Variants in XRCC4 observed in about 807,000 individuals in gnomAD.
XRCC4 encodes the protein X-ray repair cross complementing 4.
Under a neutral mutation model 39.1 loss-of-function variants are expected in XRCC4, and 28 were observed. That is an observed-to-expected ratio of 0.72 (90% confidence interval 0.53 to 0.98). XRCC4 has a LOEUF of 0.98. XRCC4 is among the 50% of genes least tolerant of loss of function. The probability of loss-of-function intolerance (pLI) is 0.00; values close to 1 mark genes in which losing one functional copy is unlikely to be tolerated. For missense variants in XRCC4, 350 were observed against 376.4 expected, an observed-to-expected ratio of 0.93 and a Z score of 0.58; for synonymous variants, 123 against 126.4, an observed-to-expected ratio of 0.97 and a Z score of 0.18.
At chr5:83,303,584 C>T (rs918539499) in intron 7 of XRCC4, among the ~76,000 whole-genome samples, 1 of 152,104 alleles carries the variant, frequency 6.6e-6, no homozygotes, top group African/African-American at 2.4e-5. Context: ...AGAGATTACT[C>T]TTATAGTAAA....
intron 7 of XRCC4, among the ~76,000 whole-genome samples, chr5:83,352,707 CCAAAA>C (rs781096835): frequency 6.6e-6 from 1 of 152,096 alleles, no homozygotes; most frequent in Non-Finnish European, 1.5e-5. Flanking sequence ...ATTCATGTGA[CCAAAA>C]CTTTCTGCTG....
intron 1 of XRCC4, among the ~76,000 whole-genome samples, chr5:83,091,765 T>G (rs1206051025): frequency 6.6e-6 from 1 of 151,826 alleles, no homozygotes; most frequent in African/African-American, 2.4e-5. Context: ...ATTTATCCTC[T>G]GATAGACATT....
chr5:83,103,333 A>T (rs767407576), intron 1 of XRCC4, among the ~76,000 whole-genome samples: 3 of 151,944 alleles, frequency 2.0e-5, no homozygotes, highest in Non-Finnish European at 4.4e-5. Context: ...CTCCCTTCTA[A>T]CTCTAACTTT....
At chr5:83,084,865 T>G (rs1745110118) in intron 1 of XRCC4, among the ~76,000 whole-genome samples, 1 of 152,170 alleles carries the variant, frequency 6.6e-6, no homozygotes. Context: ...GCCTATAAAC[T>G]AAAGCAGTTT....
At chr5:83,284,071 A>C (rs941341741) in intron 7 of XRCC4, among the ~76,000 whole-genome samples, 1 of 150,920 alleles carries the variant, frequency 6.6e-6, no homozygotes, top group African/African-American at 2.4e-5. Flanking sequence ...AAAAAAAAAA[A>C]AAAAAAACGA....
At chr5:83,229,926 T>TA in intron 6 of XRCC4, among the ~76,000 whole-genome samples, 1 of 152,000 alleles carries the variant, frequency 6.6e-6, no homozygotes. Context: ...TGATATATTT[T>TA]ACTTTTTAAT....
chr5:83,218,612 G>A (rs1242085542), intron 6 of XRCC4, among the ~76,000 whole-genome samples: 2 of 151,852 alleles, frequency 1.3e-5, no homozygotes, highest in African/African-American at 2.4e-5. Flanking sequence ...GTTAAAAAAC[G>A]ATGTTTTGTT....
At chr5:83,335,759 T>C (rs1756577027) in intron 7 of XRCC4, among the ~76,000 whole-genome samples, 1 of 152,072 alleles carries the variant, frequency 6.6e-6, no homozygotes, top group Non-Finnish European at 1.5e-5. Flanking sequence ...AATTGCTACC[T>C]CTAATAGCTC....
chr5:83,148,532 GCTCA>G (rs1405976463), intron 3 of XRCC4, among the ~76,000 whole-genome samples: 6 of 152,098 alleles, frequency 3.9e-5, no homozygotes, highest in Admixed American at 6.6e-5. Flanking sequence ...TACTTCCATT[GCTCA>G]CTAGAATACA....
intron 1 of XRCC4, among the ~76,000 whole-genome samples, chr5:83,085,007 A>G (rs1054290351): frequency 6.6e-6 from 1 of 152,218 alleles, no homozygotes; most frequent in Admixed American, 6.5e-5. Context: ...AAAAACAAAT[A>G]TTACCTGGAG....
At chr5:83,246,592 C>A (rs1753110300) in intron 6 of XRCC4, among the ~76,000 whole-genome samples, 1 of 151,984 alleles carries the variant, frequency 6.6e-6, no homozygotes, top group Non-Finnish European at 1.5e-5. Context: ...ACGTACCAAG[C>A]AACATGATGA....
intron 3 of XRCC4, among the ~76,000 whole-genome samples, chr5:83,135,396 T>TC (rs1047737263): frequency 6.6e-6 from 1 of 152,040 alleles, no homozygotes; most frequent in African/African-American, 2.4e-5. Flanking sequence ...TATGCCTTTT[T>TC]TTTTTTTCCT....
At chr5:83,138,963 G>A (rs1042270985) in intron 3 of XRCC4, among the ~76,000 whole-genome samples, 1 of 152,002 alleles carries the variant, frequency 6.6e-6, no homozygotes, top group African/African-American at 2.4e-5. Flanking sequence ...GAGAATTTCT[G>A]TATACCTTTA....
At chr5:83,155,978 G>C (rs921549425) in intron 3 of XRCC4, among the ~76,000 whole-genome samples, 1 of 151,788 alleles carries the variant, frequency 6.6e-6, no homozygotes, top group Non-Finnish European at 1.5e-5. Context: ...CTCAAGCCTG[G>C]TACCAGTTCT....
the XRCC4 span, among the ~76,000 whole-genome samples, chr5:83,360,871 G>A: frequency 6.6e-6 from 1 of 152,142 alleles, no homozygotes; most frequent in African/African-American, 2.4e-5. Flanking sequence ...GGGATAGTTA[G>A]TTACATAGCA....
intron 7 of XRCC4, among the ~76,000 whole-genome samples, chr5:83,334,743 T>C (rs964528966): frequency 6.6e-6 from 1 of 152,010 alleles, no homozygotes. Context: ...TATCTTTATT[T>C]TGTCCTTTCT....
Position 83,214,836 on chromosome 5 carries a change from C to CA in XRCC4, c.745+9927dup, listed in dbSNP as rs796471835. Among the ~76,000 whole-genome samples, 418 of 77,732 alleles carry CA rather than the reference C, an allele frequency of 5.4e-3. 3 individuals carry two copies. The highest frequency in any genetic ancestry group is 0.014 in the African/African-American group (337 of 24,410). The allele number at this position is 77,732 out of a possible 152,430, so 51.0% of individuals were successfully genotyped here. ...TGGGCGACAGAGCAAGACTCCTTCTCAAAAAAAAAAAATAATAATAATAAA... is the reference window on the plus strand; with the variant it reads ...TGGGCGACAGAGCAAGACTCCTTCTCAAAAAAAAAAAAATAATAATAATAAA... On this transcript the variant is annotated intron_variant, in intron 6 of 7. Coordinates refer to ENST00000396027, the MANE Select transcript of XRCC4 (RefSeq NM_003401.5).
chr5:83,311,387 C>G (rs1205368966), intron 7 of XRCC4, among the ~76,000 whole-genome samples: 1 of 152,032 alleles, frequency 6.6e-6, no homozygotes, highest in Non-Finnish European at 1.5e-5. Flanking sequence ...TAAGAAAAGA[C>G]AAATATTTAT....
chr5:83,141,160 C>T (rs912853934), intron 3 of XRCC4, among the ~76,000 whole-genome samples: 1 of 152,162 alleles, frequency 6.6e-6, no homozygotes, highest in African/African-American at 2.4e-5. Context: ...TTTGTGTGTA[C>T]AAGTACATAA....
Sources: allele counts gnomAD v4.1 joint callset (sites outside exome capture counted in the v4.1 genomes callset), GRCh38; gene constraint gnomAD v4.1.1; transcripts MANE v1.5; gene names NCBI Gene and HGNC (gene_info 2026-07-23, HGNC 2026-07-21).